The following PRELP variants were observed in gnomAD, a reference collection of about 807,000 sequenced individuals.
PRELP encodes the protein prolargin.
A neutral mutation model predicts 22.8 loss-of-function variants in PRELP; 16 were observed. That is an observed-to-expected ratio of 0.70 (90% CI 0.47 to 1.06). The LOEUF (loss-of-function observed/expected upper bound fraction) is 1.06, where lower values mean the gene tolerates loss of function less well. Among genes scored for constraint, PRELP ranks in the 50% least tolerant of loss-of-function variants. PRELP has a pLI of 0.00. For missense variants in PRELP, 434 were observed against 485.2 expected (o/e 0.89, Z 0.99); for synonymous variants, 233 against 211.4 (o/e 1.10, Z -0.89).
intron 2 of PRELP, 141 bp downstream of exon 2, chr1:203,484,298 C>T (rs1310294093): frequency 2.2e-5 from 29 of 1,315,408 alleles, no homozygotes; most frequent in Non-Finnish European, 2.8e-5. Context: ...GGCCTTGCCA[C>T]TTGCTATCTG....
chr1:203,480,915 G>A (rs976836541), intron 1 of PRELP, among the ~76,000 whole-genome samples: 12 of 152,332 alleles, frequency 7.9e-5, no homozygotes, highest in African/African-American at 2.4e-4. Context: ...GAGAAGGCGC[G>A]CACAGCCAGC....
rs1335126749 is a variant in PRELP, at chr1:203,486,988, G to C, written c.*107G>C. ...CTCTCCCTTTCTTTCTCCCAGCTTT[G>C]CCTCCCTTATCCCACCCTCGAGGCA... On this transcript the variant is annotated 3_prime_UTR_variant, in exon 3 of 3. Coordinates refer to ENST00000343110, the MANE Select transcript of PRELP (RefSeq NM_002725.4). The C allele has an allele frequency of 1.5e-6, 2 of 1,290,332 alleles. No homozygotes were observed. The highest frequency in any genetic ancestry group is 1.0e-6 in the Non-Finnish European group (1 of 956,854). The allele number at this position is 1,290,332 out of a possible 1,614,324, so 79.9% of individuals were successfully genotyped here. A position where few individuals can be genotyped will look rare whatever the true frequency, so the allele number is the denominator to read the frequency against.
chr1:203,477,801 G>A (rs1660938225), intron 1 of PRELP, among the ~76,000 whole-genome samples: 1 of 152,140 alleles, frequency 6.6e-6, no homozygotes, highest in Non-Finnish European at 1.5e-5. Flanking sequence ...ACCTTCTGTG[G>A]CCAGTGTCCC....
chr1:203,484,197 G>C, intron 2 of PRELP, 40 bp downstream of exon 2: 1 of 1,587,560 alleles, frequency 6.3e-7, no homozygotes, highest in Non-Finnish European at 8.6e-7. Context: ...AGGCAAGGAG[G>C]TTGGCTTGTG....
intron 1 of PRELP, among the ~76,000 whole-genome samples, chr1:203,479,928 A>G (rs1314628992): frequency 1.3e-5 from 2 of 152,050 alleles, no homozygotes; most frequent in Non-Finnish European, 2.9e-5. Flanking sequence ...AATAGTTGGA[A>G]TTGAAATTAG....
At chr1:203,484,580 C>T (rs1432193565) in intron 2 of PRELP, among the ~76,000 whole-genome samples, 1 of 152,234 alleles carries the variant, frequency 6.6e-6, no homozygotes, top group Non-Finnish European at 1.5e-5. Flanking sequence ...ATTTAAATAC[C>T]TATCCTGAAA....
rs1558233361 is a variant in PRELP at position 203,487,073 on chromosome 1, T to G, written c.*192T>G. 1 of 644,886 alleles carries G rather than the reference T, an allele frequency of 1.6e-6. No individual in the cohort carries two copies. The allele number at this position is 644,886 out of a possible 1,614,324, so 39.9% of individuals were successfully genotyped here. A position where few individuals can be genotyped will look rare whatever the true frequency, so the allele number is the denominator to read the frequency against. The stretch of plus-strand genomic sequence containing the variant: ...GCGAGACTTCAAGGACTCAGTTTGG[T>G]TCCACCCAGTTGAAAGACACCCAGT... On this transcript the variant is annotated 3_prime_UTR_variant, in exon 3 of 3. Coordinates refer to ENST00000343110, the MANE Select transcript of PRELP (RefSeq NM_002725.4).
Position 203,483,437 on chromosome 1 carries a change from T to C in PRELP, c.253T>C (p.Ser85Pro). Residue 85 changes from serine (S) to proline (P), a missense_variant, in exon 2 of 3, where the codon TCT becomes CCT. Coordinates refer to ENST00000343110, the MANE Select transcript of PRELP (RefSeq NM_002725.4). The surrounding 1 kb of genome is among the most constrained non-coding windows in gnomAD (Gnocchi z 4.4). The stretch of plus-strand genomic sequence containing the variant: ...ATGCTACTGCCCCCCTGATTTCCCA[T>C]CTGCCCTCTACTGTGATAGCCGCAA... ...RECYCPPDFP[S>P]ALYCDSRNLR... is the part of the protein sequence containing the mutation. 1 of 1,614,124 alleles carries C rather than the reference T, an allele frequency of 6.2e-7. No homozygotes were observed. The highest frequency in any genetic ancestry group is 8.5e-7 in the Non-Finnish European group (1 of 1,180,016).
intron 1 of PRELP, among the ~76,000 whole-genome samples, chr1:203,481,236 AT>A (rs56062017): frequency 0.07 from 10,617 of 150,794 alleles, 571 homozygotes; most frequent in East Asian, 0.22. Flanking sequence ...TAGAAAATAA[AT>A]TTTTTTTTTT....
Position 203,485,149 on chromosome 1 carries a change from AT to A in PRELP, c.973+1002del, listed in dbSNP as rs553537738. Among the ~76,000 whole-genome samples, 328 of 146,372 alleles carry A rather than the reference AT, an allele frequency of 2.2e-3. 1 individual carries two copies. Among genetic ancestry groups the A allele is most frequent in the Middle Eastern group, 3.5e-3 (1 of 288 alleles). ...GGATAATTTCAAGAAGTAGGGGAGG[AT>A]TTTTTTTTTAATCTTACAAAAAAAA... On this transcript the variant is annotated intron_variant, in intron 2 of 2. Coordinates refer to ENST00000343110, the MANE Select transcript of PRELP (RefSeq NM_002725.4).
At chr1:203,476,137 C>T (rs992291636) in intron 1 of PRELP, among the ~76,000 whole-genome samples, 199 bp downstream of exon 1, 3 of 152,216 alleles carry the variant, frequency 2.0e-5, no homozygotes, top group African/African-American at 4.8e-5. Context: ...TTTCATCACT[C>T]TGTACCCCTA....
At chr1:203,476,749 C>T (rs1660917879) in intron 1 of PRELP, among the ~76,000 whole-genome samples, 1 of 152,170 alleles carries the variant, frequency 6.6e-6, no homozygotes, top group Admixed American at 6.5e-5. Context: ...CTGGTCCAAA[C>T]CACTTGGCTT....
chr1:203,477,254 C>T (rs565361319), intron 1 of PRELP, among the ~76,000 whole-genome samples: 1 of 152,250 alleles, frequency 6.6e-6, no homozygotes, highest in Admixed American at 6.5e-5. Flanking sequence ...GCTCGAGAAT[C>T]AGGGGCCTGA....
chr1:203,487,108 A>T lies in PRELP; in HGVS notation c.*227A>T. On this transcript the variant is annotated 3_prime_UTR_variant, in exon 3 of 3. Coordinates refer to ENST00000343110, the MANE Select transcript of PRELP (RefSeq NM_002725.4). ...TTGAAAGACACCCAGTGCACACCCA[A>T]ACTCCTGGCCTTCTGTGGTTTCCCT... The T allele has an allele frequency of 2.0e-6, 1 of 494,376 alleles. No individual in the cohort carries two copies. The highest frequency in any genetic ancestry group is 3.6e-6 in the Non-Finnish European group (1 of 279,878). The allele number at this position is 494,376 out of a possible 1,614,324, so 30.6% of individuals were successfully genotyped here. A position where few individuals can be genotyped will look rare whatever the true frequency, so the allele number is the denominator to read the frequency against.
At chr1:203,479,706 C>CAAAAAAAAAAAA (rs397844598) in intron 1 of PRELP, among the ~76,000 whole-genome samples, 1 of 52,490 alleles carries the variant, frequency 1.9e-5, no homozygotes, top group Non-Finnish European at 3.5e-5. Context: ...CCTGTATCAC[C>CAAAAAAAAAAAA]AAAAAAAAAA....
rs748220435 is a variant in PRELP at position 203,486,881 on chromosome 1, G to A, written c.1149G>A (p.Ter383=). The part of the protein sequence containing the change: ...CFRLLQSVVI[*] ...GCCTCCTGCAGTCCGTGGTCATCTAGGCCCTACTCCGCCACCGGATCTGCT... is the reference window on the plus strand; with the variant it reads ...GCCTCCTGCAGTCCGTGGTCATCTAAGCCCTACTCCGCCACCGGATCTGCT... Residue 383 remains the stop codon, a stop_retained_variant, in exon 3 of 3, where the codon TAG becomes TAA. Transcript: ENST00000343110. 4 of 1,611,900 alleles carry A rather than the reference G, an allele frequency of 2.5e-6. No homozygotes were observed. Among genetic ancestry groups the A allele is most frequent in the East Asian group, 4.5e-5 (2 of 44,776 alleles).
chr1:203,483,103 T>G lies in PRELP; in HGVS notation c.-16-66T>G. 7.4e-7 allele frequency: 1 copy of G among 1,352,248 alleles called. No homozygotes were observed. Among genetic ancestry groups the G allele is most frequent in the Admixed American group, 2.3e-5 (1 of 43,292 alleles). 83.8% of individuals were successfully genotyped at this position (1,352,248 alleles called of 1,614,324 possible). A position where few individuals can be genotyped will look rare whatever the true frequency, so the allele number is the denominator to read the frequency against. Reference sequence around the variant, plus strand: ...GCTCTAGTTCTGCCCAACTCTGGCTTCAAAAACATGACAACTAGTTACTGA... The same window carrying G: ...GCTCTAGTTCTGCCCAACTCTGGCTGCAAAAACATGACAACTAGTTACTGA... On this transcript the variant is annotated intron_variant, in intron 1 of 2. Transcript: ENST00000343110. This position sits in a 1 kb window ranked among gnomAD's most constrained non-coding sequence, Gnocchi z 4.4.
Position 203,487,024 on chromosome 1 carries a change from A to G in PRELP, c.*143A>G, listed in dbSNP as rs1661105996. ...CCCACCCTCGAGGCAGGGAAAAGCC[A>G]TCTATTCTTCTGCAGCCTCAGGAGC... On this transcript the variant is annotated 3_prime_UTR_variant, in exon 3 of 3. Transcript: ENST00000343110. 3 of 999,346 alleles carry G rather than the reference A, an allele frequency of 3.0e-6. No homozygotes were observed. The highest frequency in any genetic ancestry group is 1.8e-5 in the South Asian group (1 of 54,550). 61.9% of individuals were successfully genotyped at this position (999,346 alleles called of 1,614,324 possible). A position where few individuals can be genotyped will look rare whatever the true frequency, so the allele number is the denominator to read the frequency against.
intron 1 of PRELP, among the ~76,000 whole-genome samples, chr1:203,480,412 T>C (rs183904863): frequency 2.0e-5 from 3 of 152,332 alleles, no homozygotes; most frequent in African/African-American, 7.2e-5. Context: ...GGCAGGAGCA[T>C]AGAGTGTGGG....
Sources: gnomAD v4.1 joint callset for allele counts (sites outside exome capture counted in the v4.1 genomes callset) on GRCh38, gnomAD v4.1.1 for gene constraint, Gnocchi (gnomAD v3.1) non-coding constraint, MANE v1.5 for transcripts, NCBI Gene and HGNC (gene_info 2026-07-23, HGNC 2026-07-21) for gene names.